Variants in CHST9 observed in about 807,000 individuals in gnomAD.
CHST9 encodes the protein carbohydrate sulfotransferase 9.
In CHST9, 41 loss-of-function variants were observed where a neutral mutation model predicts 44.4. The ratio of observed to expected loss-of-function variants is 0.92; its 90% CI spans 0.72 to 1.20. The LOEUF is 1.20. CHST9 is among the 50% of genes most tolerant of loss of function. The probability of loss-of-function intolerance (pLI) is 0.00; values close to 1 mark genes in which losing one functional copy is unlikely to be tolerated. For synonymous variants in CHST9, 171 were observed against 178.4 expected, an observed-to-expected ratio of 0.96 and a Z score of 0.33; for missense variants, 504 against 516.5, an observed-to-expected ratio of 0.98 and a Z score of 0.23.
intron 4 of CHST9, among the ~76,000 whole-genome samples, chr18:26,968,880 T>C (rs1256377745): frequency 6.6e-6 from 1 of 152,208 alleles, no homozygotes; most frequent in Non-Finnish European, 1.5e-5. Context: ...AAAATGTTGA[T>C]TGAAACATCT....
At chr18:27,159,515 T>G (rs1289358528) in intron 1 of CHST9, among the ~76,000 whole-genome samples, 1 of 152,208 alleles carries the variant, frequency 6.6e-6, no homozygotes, top group East Asian at 1.9e-4. Context: ...ACTGTAGCCT[T>G]GTAGTATAGT....
At chr18:26,963,862 C>T (rs1336355940) in intron 4 of CHST9, among the ~76,000 whole-genome samples, 1 of 152,122 alleles carries the variant, frequency 6.6e-6, no homozygotes, top group Non-Finnish European at 1.5e-5. Flanking sequence ...ATATCATGCA[C>T]GTTTCATACT....
At chr18:26,922,649 AT>A (rs1019506799) in intron 5 of CHST9, among the ~76,000 whole-genome samples, 2 of 151,846 alleles carry the variant, frequency 1.3e-5, no homozygotes, top group African/African-American at 4.8e-5. Flanking sequence ...TTATTTATTT[AT>A]TTTGAGATGG....
intron 2 of CHST9, among the ~76,000 whole-genome samples, chr18:27,140,349 T>G (rs550317432): frequency 2.0e-5 from 3 of 152,306 alleles, no homozygotes; most frequent in Admixed American, 2.0e-4. Context: ...TATGTAAACA[T>G]TTGGCACTTA....
intron 4 of CHST9, among the ~76,000 whole-genome samples, chr18:27,010,458 T>C (rs964058685): frequency 6.6e-6 from 1 of 152,174 alleles, no homozygotes; most frequent in African/African-American, 2.4e-5. Context: ...ACTCAAGTGA[T>C]CTGATGTTCC....
At chr18:27,057,972 A>G (rs2057677237) in intron 2 of CHST9, among the ~76,000 whole-genome samples, 2 of 152,226 alleles carry the variant, frequency 1.3e-5, no homozygotes, top group Non-Finnish European at 2.9e-5. Context: ...TCAGATTCCC[A>G]ACATTGGTCT....
chr18:27,132,679 GTAAA>G (rs1468940618), intron 2 of CHST9, among the ~76,000 whole-genome samples: 1 of 152,180 alleles, frequency 6.6e-6, no homozygotes, highest in Non-Finnish European at 1.5e-5. Flanking sequence ...ACTCTAAGAG[GTAAA>G]TAGAGAAAAT....
chr18:27,168,645 A>C (rs1346898436), intron 1 of CHST9, among the ~76,000 whole-genome samples: 1 of 152,172 alleles, frequency 6.6e-6, no homozygotes, highest in African/African-American at 2.4e-5. Flanking sequence ...AAACCAAGTA[A>C]GAGGTATCAC....
chr18:27,000,063 T>A (rs2145224607), intron 4 of CHST9, among the ~76,000 whole-genome samples: 1 of 152,358 alleles, frequency 6.6e-6, no homozygotes, highest in South Asian at 2.1e-4. Context: ...AACATGCTTG[T>A]AAATACAGAG....
rs1260897322 is a variant in CHST9, at chr18:27,149,738, G to A, written c.-96-6833C>T. Reference sequence around the variant, plus strand: ...TCCTTTTTTCTTAAGCTGTAATCTGGGTAAATTCTTCTGAGCCATTTTGCA... The same window carrying A: ...TCCTTTTTTCTTAAGCTGTAATCTGAGTAAATTCTTCTGAGCCATTTTGCA... On this transcript the variant is annotated intron_variant, in intron 1 of 5. Coordinates refer to ENST00000618847, the MANE Select transcript of CHST9 (RefSeq NM_031422.6). Among the ~76,000 whole-genome samples the A allele has an allele frequency of 4.0e-5, 6 of 151,564 alleles. 1 individual carries two copies. Among genetic ancestry groups the A allele is most frequent in the African/African-American group, 1.5e-4 (6 of 41,256 alleles).
chr18:26,970,576 AT>A (rs753720258), intron 4 of CHST9, among the ~76,000 whole-genome samples: 1 of 152,082 alleles, frequency 6.6e-6, no homozygotes, highest in Non-Finnish European at 1.5e-5. Context: ...CTACAGTCAC[AT>A]GCCACCACAC....
intron 4 of CHST9, among the ~76,000 whole-genome samples, chr18:27,012,284 G>A (rs1322340236): frequency 6.6e-6 from 1 of 152,086 alleles, no homozygotes; most frequent in East Asian, 1.9e-4. Flanking sequence ...TAGACTAAAA[G>A]CCTTACTGAT....
intron 2 of CHST9, among the ~76,000 whole-genome samples, chr18:27,093,296 A>ATTTAAGTC (rs1437771300): frequency 1.3e-5 from 2 of 152,220 alleles, no homozygotes; most frequent in Non-Finnish European, 2.9e-5. Context: ...AGACAGGGAC[A>ATTTAAGTC]TTTAAGTCTG....
chr18:26,971,700 C>G (rs2056545171), intron 4 of CHST9, among the ~76,000 whole-genome samples: 1 of 152,194 alleles, frequency 6.6e-6, no homozygotes, highest in Non-Finnish European at 1.5e-5. Context: ...CAGCAGCACG[C>G]ATCCCTTCTG....
intron 1 of CHST9, among the ~76,000 whole-genome samples, chr18:27,161,037 T>G (rs1423129324): frequency 6.6e-6 from 1 of 152,166 alleles, no homozygotes; most frequent in African/African-American, 2.4e-5. Flanking sequence ...GTCTATCAAT[T>G]TTGTTGATCT....
At chr18:27,010,967 CAGGT>C (rs1279699123) in intron 4 of CHST9, among the ~76,000 whole-genome samples, 1 of 152,096 alleles carries the variant, frequency 6.6e-6, no homozygotes. Flanking sequence ...TGAGGAGTGA[CAGGT>C]CTGCTGAGGC....
rs184470258 is a variant in CHST9 at position 27,090,020 on chromosome 18, C to T, written c.122-41517G>A. Among the ~76,000 whole-genome samples, 7 of 152,136 alleles carry T rather than the reference C, an allele frequency of 4.6e-5. No homozygotes were observed. In the East Asian group the frequency reaches 1.4e-3, roughly 29 times the overall value. On this transcript the variant is annotated intron_variant, in intron 2 of 5. Transcript: ENST00000618847. ...TAGAGATGGGGTTGCATTGTGTTAG[C>T]CAGTATGGTCTCAATCTCCTGACCT... is the stretch of plus-strand genomic sequence containing the variant.
chr18:27,003,150 T>C (rs181957404), intron 4 of CHST9, among the ~76,000 whole-genome samples: 1 of 152,290 alleles, frequency 6.6e-6, no homozygotes, highest in East Asian at 1.9e-4. Context: ...TATTTAAAGG[T>C]TGAGGGCAGA....
chr18:26,917,403 T>G, intron 5 of CHST9, 53 bp from the exon 6 acceptor site: 2 of 1,552,568 alleles, frequency 1.3e-6, no homozygotes, highest in Non-Finnish European at 1.7e-6. Context: ...AGTGTGGGTA[T>G]ACTGGATAAG....
Sources: allele counts gnomAD v4.1 joint callset (sites outside exome capture counted in the v4.1 genomes callset), GRCh38; gene constraint gnomAD v4.1.1; transcripts MANE v1.5; gene names NCBI Gene and HGNC (gene_info 2026-07-23, HGNC 2026-07-21).